Variants in MADD observed in about 807,000 individuals in gnomAD.
MADD encodes MAP kinase-activating death domain protein.
A neutral mutation model predicts 176.7 loss-of-function variants in MADD; 109 were observed. The ratio of observed to expected loss-of-function variants is 0.62; its 90% CI spans 0.53 to 0.72. MADD has a LOEUF of 0.72. MADD is among the 30% of genes least tolerant of loss of function. The pLI, the probability that MADD is intolerant of heterozygous loss-of-function variation, is 0.00. For synonymous variants in MADD, 771 were observed against 771.3 expected (o/e 1.00, Z 0.01); for missense variants, 1,914 against 2,045.5 (o/e 0.94, Z 1.24).
exon 17 of MADD, chr11:47,289,936 C>T (rs1193535343): frequency 4.3e-6 from 7 of 1,614,150 alleles, no homozygotes; most frequent in African/African-American, 1.3e-5. Context: ...GCTGGCTCAA[C>T]ATGAAAAAGG....
exon 4 of MADD, chr11:47,276,093 C>T (rs2049563170): frequency 6.2e-7 from 1 of 1,614,104 alleles, no homozygotes. Flanking sequence ...TTTGCTCTTC[C>T]AGACCCATCT....
Position 47,325,692 on chromosome 11 carries a change from C to T in MADD, c.4543-1046C>T, listed in dbSNP as rs2095371582. ...TCTACCTAAGTGCTTTTCTGGACCA[C>T]AAAGGTGTCAGTACTTCTTGGGGAG... is the stretch of plus-strand genomic sequence containing the variant. On this transcript the variant is annotated intron_variant, in intron 30 of 32. Coordinates refer to ENST00000402192, the Ensembl canonical transcript of MADD. The surrounding 1 kb of genome is among the most constrained non-coding windows in gnomAD (Gnocchi z 4.5). Among the ~76,000 whole-genome samples the T allele has an allele frequency of 2.0e-5, 3 of 152,236 alleles. No homozygotes were observed. The highest frequency in any genetic ancestry group is 7.2e-5 in the African/African-American group (3 of 41,462).
chr11:47,310,587 C>T (rs1489188772), intron 25 of MADD, among the ~76,000 whole-genome samples: 1 of 151,228 alleles, frequency 6.6e-6, no homozygotes, highest in African/African-American at 2.4e-5. Flanking sequence ...TTTTTTTTTA[C>T]AATAGTAGAT....
intron 27 of MADD, among the ~76,000 whole-genome samples, chr11:47,317,133 C>A (rs913891694): frequency 6.6e-6 from 1 of 152,208 alleles, no homozygotes; most frequent in Non-Finnish European, 1.5e-5. Context: ...TGGTCCTCTT[C>A]TGTATCAGTA....
At chr11:47,302,510 C>T (rs1287321704) in intron 22 of MADD, among the ~76,000 whole-genome samples, 1 of 152,196 alleles carries the variant, frequency 6.6e-6, no homozygotes, top group Non-Finnish European at 1.5e-5. Context: ...CCGTGCTCAG[C>T]CTCTTTTTAG....
chr11:47,308,698 A>C, exon 23 of MADD: 5 of 1,612,468 alleles, frequency 3.1e-6, no homozygotes, highest in Non-Finnish European at 4.2e-6. Context: ...AGGGACTCCT[A>C]GGTGAGAAAC....
At chr11:47,292,506 C>T (rs1416946151) in intron 19 of MADD, 37 bp from the exon 21 acceptor site, 1 of 1,604,006 alleles carries the variant, frequency 6.2e-7, no homozygotes, top group Non-Finnish European at 8.5e-7. Context: ...CTCTGACTTT[C>T]TGTCTTTCTC....
intron 15 of MADD, among the ~76,000 whole-genome samples, chr11:47,286,929 T>A (rs1317264704): frequency 6.6e-6 from 1 of 152,144 alleles, no homozygotes; most frequent in African/African-American, 2.4e-5. Flanking sequence ...CTGGCAGCGT[T>A]CATAGAGCAC....
chr11:47,295,866 A>G (rs535728951), intron 21 of MADD, 31 bp from the exon 24 acceptor site: 2 of 1,592,296 alleles, frequency 1.3e-6, no homozygotes, highest in Admixed American at 3.5e-5. Flanking sequence ...ATCCCTGGGG[A>G]CTGTCTCTTA....
At chr11:47,293,049 A>G (rs550760400) in intron 19 of MADD, among the ~76,000 whole-genome samples, 22 of 149,890 alleles carry the variant, frequency 1.5e-4, no homozygotes, top group African/African-American at 5.1e-4. Flanking sequence ...CTGCCATACC[A>G]TTGTGGGTGG....
At chr11:47,317,213 A>C (rs1005962711) in intron 27 of MADD, among the ~76,000 whole-genome samples, 2 of 152,176 alleles carry the variant, frequency 1.3e-5, no homozygotes, top group Non-Finnish European at 1.5e-5. Context: ...TAATTTATTT[A>C]ACCAGTCAGT....
intron 22 of MADD, among the ~76,000 whole-genome samples, chr11:47,296,600 A>G (rs1203897161): frequency 6.6e-6 from 1 of 152,184 alleles, no homozygotes; most frequent in East Asian, 1.9e-4. Flanking sequence ...TTTCTACTCA[A>G]GAAGTTTGTG....
chr11:47,284,921 T>G lies in MADD; in HGVS notation c.2158-20T>G. ...CCATTGGGCACCAGGTAACCACTTT[T>G]AATTTCATGCGGCCTTTAGGAACCT... On this transcript the variant is annotated intron_variant, in intron 12 of 32. Coordinates refer to ENST00000402192, the Ensembl canonical transcript of MADD. The G allele has an allele frequency of 6.2e-7, 1 of 1,612,770 alleles. No homozygotes were observed. Among genetic ancestry groups the G allele is most frequent in the Non-Finnish European group, 8.5e-7 (1 of 1,179,506 alleles).
At chr11:47,279,233 T>C (rs977513595) in intron 7 of MADD, among the ~76,000 whole-genome samples, 154 bp downstream of exon 7, 18 of 152,224 alleles carry the variant, frequency 1.2e-4, no homozygotes, top group African/African-American at 4.3e-4. Flanking sequence ...ATCCCATTTC[T>C]GGGTGGCAGA....
At chr11:47,324,205 C>A in intron 28 of MADD, 60 bp from the exon 32 acceptor site, 1 of 1,478,920 alleles carries the variant, frequency 6.8e-7, no homozygotes, top group African/African-American at 1.4e-5. Context: ...CATTATAGAG[C>A]AGTGGGTGGG....
chr11:47,323,214 G>A (rs2094811270), intron 27 of MADD, among the ~76,000 whole-genome samples: 1 of 150,696 alleles, frequency 6.6e-6, no homozygotes, highest in South Asian at 2.1e-4. Flanking sequence ...CTCCAGCCTG[G>A]GCAACAGAGT....
At chr11:47,311,971 C>T in intron 26 of MADD, 129 bp downstream of exon 29, 1 of 612,762 alleles carries the variant, frequency 1.6e-6, no homozygotes, top group East Asian at 2.8e-5. Flanking sequence ...GCATTAGTCC[C>T]TGTGTTCTGT....
At chr11:47,279,462 G>A (rs1266981034) in intron 7 of MADD, among the ~76,000 whole-genome samples, 1 of 143,838 alleles carries the variant, frequency 7.0e-6, no homozygotes, top group African/African-American at 2.6e-5. Flanking sequence ...TCGGCTCACT[G>A]CAAGCTCTGC....
intron 15 of MADD, 85 bp downstream of exon 15, chr11:47,286,619 C>A: frequency 2.0e-6 from 2 of 995,592 alleles, no homozygotes; most frequent in South Asian, 1.4e-5. Flanking sequence ...CCTGCATCTG[C>A]TGAATCCTTT....
Sources: gnomAD v4.1 joint callset for allele counts (sites outside exome capture counted in the v4.1 genomes callset) on GRCh38, gnomAD v4.1.1 for gene constraint, Gnocchi (gnomAD v3.1) non-coding constraint, MANE v1.5 for transcripts, NCBI Gene and HGNC (gene_info 2026-07-23, HGNC 2026-07-21) for gene names.